NPHS1: variants seen among roughly 807,000 people sequenced by gnomAD.
NPHS1 encodes nephrin.
Under a neutral mutation model 139.7 loss-of-function variants are expected in NPHS1, and 107 were observed. That is an observed-to-expected ratio of 0.77 (90% CI 0.66 to 0.90). The LOEUF is 0.90. NPHS1 is among the 40% of genes least tolerant of loss of function. NPHS1 has a pLI of 0.00. For missense variants in NPHS1, 1,580 were observed against 1,654.2 expected, an observed-to-expected ratio of 0.96 and a Z score of 0.78; for synonymous variants, 707 against 706.6, an observed-to-expected ratio of 1.00 and a Z score of -0.01.
In NPHS1 at chr19:35,844,231, C is replaced by T. The variant is rs747493193; in HGVS notation, c.2084G>A (p.Arg695Gln). ...GYRLSPAGGP[R>Q]HRILSSGALH... ...AGCCCCGCTGGACAGGATGCGATGC[C>T]GGGGGCCGCCCGCTGGGGAAGGCCA... The change falls in exon 16 of 29, where the codon CGG becomes CAG. Residue 695 changes from arginine (R) to glutamine (Q), a missense_variant. Coordinates refer to ENST00000378910, the MANE Select transcript of NPHS1 (RefSeq NM_004646.4). 6 of 1,613,202 alleles carry T rather than the reference C, an allele frequency of 3.7e-6. No homozygotes were observed. The highest frequency in any genetic ancestry group is 1.1e-5 in the South Asian group (1 of 91,072).
intron 9 of NPHS1, 116 bp from the exon 10 acceptor site, chr19:35,848,513 C>T (rs1973178497): frequency 6.3e-7 from 1 of 1,583,368 alleles, no homozygotes; most frequent in Non-Finnish European, 8.6e-7. Flanking sequence ...ACCTCCCCCT[C>T]TGTTGGACCC....
rs1568453378 is a variant in NPHS1, at chr19:35,842,497, TC to T, written c.2387del (p.Gly796AspfsTer51). 1.2e-6 allele frequency: 2 copies of T among 1,613,958 alleles called. No homozygotes were observed. Among genetic ancestry groups the T allele is most frequent in the African/African-American group, 1.3e-5 (1 of 74,892 alleles). On this transcript the variant is annotated frameshift_variant, in exon 18 of 29. Coordinates refer to ENST00000378910, the MANE Select transcript of NPHS1 (RefSeq NM_004646.4). LOFTEE classifies it high-confidence loss of function. ...GGTGAATCCGCAGGCGCCCCGTTGGTCCCCTGGATATCTTCTCCATGTCATC... is the reference window on the plus strand; with the variant it reads ...GGTGAATCCGCAGGCGCCCCGTTGGTCCCTGGATATCTTCTCCATGTCATC... ...SLDDMEKISR[G>X]PTGRLRIHHA...
chr19:35,833,936 A>C (rs1444423277), intron 23 of NPHS1, among the ~76,000 whole-genome samples: 1 of 152,168 alleles, frequency 6.6e-6, no homozygotes, highest in Non-Finnish European at 1.5e-5. Flanking sequence ...GTCTGGGCTC[A>C]AGTGATCTAC....
At chr19:35,850,054 T>C (rs745371007) in intron 5 of NPHS1, among the ~76,000 whole-genome samples, 9 of 152,076 alleles carry the variant, frequency 5.9e-5, no homozygotes, top group East Asian at 1.9e-4. Context: ...GAGCTGGGAG[T>C]ACAGGCATGC....
At chr19:35,829,148 C>A (rs554401455) in intron 28 of NPHS1, among the ~76,000 whole-genome samples, 107 of 152,322 alleles carry the variant, frequency 7.0e-4, no homozygotes, top group African/African-American at 2.4e-3. Flanking sequence ...AGCCCAGTGA[C>A]CTGAGTGGGG....
In NPHS1 at chr19:35,835,762, C is replaced by T. The variant is rs1972948883; in HGVS notation, c.3110-1G>A. ...GGTTCTCCAGAAGGCTGGTGGAGAC[C>T]TGGGGGGTGGATATACAGATTGTGA... On this transcript the variant is annotated splice_acceptor_variant, in intron 22 of 28. Coordinates refer to ENST00000378910, the MANE Select transcript of NPHS1 (RefSeq NM_004646.4). LOFTEE classifies it high-confidence loss of function. The T allele has an allele frequency of 1.2e-6, 2 of 1,613,350 alleles. No individual in the cohort carries two copies. Among genetic ancestry groups the T allele is most frequent in the Non-Finnish European group, 8.5e-7 (1 of 1,179,618 alleles).
chr19:35,851,023 T>A lies in NPHS1; in HGVS notation c.464A>T (p.Glu155Val). The change falls in exon 4 of 29, where the codon GAG becomes GTG. Residue 155 changes from glutamate to valine, a missense_variant. Glu to Val is a moderately radical substitution (Grantham distance 121, BLOSUM62 -2). Coordinates refer to ENST00000378910, the MANE Select transcript of NPHS1 (RefSeq NM_004646.4). ...CCCAGACACACAGTTGACCACGTAC[T>A]CCTGCCCAGCTACCCAGGTGACCAT... is the stretch of plus-strand genomic sequence containing the variant. ...GTMVTWVAGQ[E>V]YVVNCVSGDA... 1 of 1,614,198 alleles carries A rather than the reference T, an allele frequency of 6.2e-7. No individual in the cohort carries two copies. The highest frequency in any genetic ancestry group is 1.7e-5 in the Admixed American group (1 of 60,030).
rs142956465 is a variant in NPHS1 at position 35,842,403 on chromosome 19, G to A, written c.2482C>T (p.Arg828Trp). Reference sequence around the variant, plus strand: ...CATCTGACAACAAGACGGAGCAGCCGTCGTGCTGGAGGCGCCACCCCATTG... The same window carrying A: ...CATCTGACAACAAGACGGAGCAGCCATCGTGCTGGAGGCGCCACCCCATTG... ...VDNGVAPPAR[R>W]LLRLVVRFAP... Residue 828 changes from arginine (R) to tryptophan (W), a missense_variant, in exon 18 of 29, where the codon CGG (arginine) becomes TGG (tryptophan). Arg to Trp is a moderately radical substitution (Grantham distance 101). Coordinates refer to ENST00000378910, the MANE Select transcript of NPHS1 (RefSeq NM_004646.4). The A allele has an allele frequency of 1.4e-5, 23 of 1,614,076 alleles. No individual in the cohort carries two copies. The highest frequency in any genetic ancestry group is 4.5e-5 in the East Asian group (2 of 44,886).
Position 35,839,626 on chromosome 19 carries a change from G to C in NPHS1, c.2816-19C>G. Reference sequence around the variant, plus strand: ...GGGCGGCCTATGGGGAGAAAGATGGGAAAGCAGTCAGAGGATACAAAAGAA... The same window carrying C: ...GGGCGGCCTATGGGGAGAAAGATGGCAAAGCAGTCAGAGGATACAAAAGAA... On this transcript the variant is annotated intron_variant, in intron 20 of 28. Transcript: ENST00000378910. 2 of 1,587,408 alleles carry C rather than the reference G, an allele frequency of 1.3e-6. No individual in the cohort carries two copies. Among genetic ancestry groups the C allele is most frequent in the Non-Finnish European group, 1.7e-6 (2 of 1,155,872 alleles).
rs1973120502 is a variant in NPHS1 at position 35,845,366 on chromosome 19, A to G, written c.1930+2T>C. 2 of 1,614,260 alleles carry G rather than the reference A, an allele frequency of 1.2e-6. No individual in the cohort carries two copies. Among genetic ancestry groups the G allele is most frequent in the Non-Finnish European group, 1.7e-6 (2 of 1,180,048 alleles). On this transcript the variant is annotated splice_donor_variant, in intron 14 of 28. Coordinates refer to ENST00000378910, the MANE Select transcript of NPHS1 (RefSeq NM_004646.4). LOFTEE classifies it high-confidence loss of function. The surrounding 1 kb of genome is among the most constrained non-coding windows in gnomAD (Gnocchi z 5.5). ...GAGGGGCTTTCAGGCCGGGGCACAT[A>G]CACAGTACGTTGAGGCGATAGAAGG...
intron 5 of NPHS1, among the ~76,000 whole-genome samples, chr19:35,850,076 C>A (rs779938649): frequency 1.3e-5 from 2 of 152,042 alleles, no homozygotes; most frequent in Non-Finnish European, 2.9e-5. Context: ...CCACCACACC[C>A]GGCTAATTTT....
intron 5 of NPHS1, 65 bp downstream of exon 5, chr19:35,850,299 G>A: frequency 3.1e-6 from 4 of 1,285,300 alleles, no homozygotes; most frequent in Non-Finnish European, 4.5e-6. Flanking sequence ...TTGCATCCCT[G>A]GGGTCTGGGG....
In NPHS1 at chr19:35,851,398, C is replaced by T. The variant is rs377446423; in HGVS notation, c.275-14G>A. 25 of 1,612,660 alleles carry T rather than the reference C, an allele frequency of 1.6e-5. No homozygotes were observed. Among genetic ancestry groups the T allele is most frequent in the East Asian group, 1.1e-4 (5 of 44,848 alleles). On this transcript the variant is annotated splice_polypyrimidine_tract_variant and intron_variant, in intron 2 of 28. Coordinates refer to ENST00000378910, the MANE Select transcript of NPHS1 (RefSeq NM_004646.4). Reference sequence around the variant, plus strand: ...GGTGGAATTCACCTGCAGGGGGAGCCGGAAGTCAGGGCCGCAGCTTCCGCT... The same window carrying T: ...GGTGGAATTCACCTGCAGGGGGAGCTGGAAGTCAGGGCCGCAGCTTCCGCT...
rs1972795431 is a variant in NPHS1, at chr19:35,825,939, T to G, written c.*575A>C. The G allele has an allele frequency of 6.6e-6, 1 of 152,612 alleles. No homozygotes were observed. The highest frequency in any genetic ancestry group is 2.4e-5 in the African/African-American group (1 of 41,426). 9.5% of individuals were successfully genotyped at this position (152,612 alleles called of 1,614,324 possible). On this transcript the variant is annotated 3_prime_UTR_variant, in exon 29 of 29. Coordinates refer to ENST00000378910, the MANE Select transcript of NPHS1 (RefSeq NM_004646.4). ...ACCCTCAGAATAGCATTTTATTTTT[T>G]ATTTTTATTTTATTTTTATTTTTTG...
chr19:35,836,964 C>T (rs1302487592), intron 22 of NPHS1, among the ~76,000 whole-genome samples: 1 of 147,598 alleles, frequency 6.8e-6, no homozygotes, highest in East Asian at 2.0e-4. Context: ...CCACTGTACT[C>T]CAGCCTGAGT....
In NPHS1 at chr19:35,852,184, C is replaced by A. The variant is rs1358895729; in HGVS notation, c.-347G>T. On this transcript the variant is annotated 5_prime_UTR_variant, in exon 1 of 29. In the 5' UTR this introduces an upstream ATG that the reference lacks. Transcript: ENST00000378910. Reference sequence around the variant, plus strand: ...CTTCAAGCCATCCTCCCACCTTGGCCTCCCCAAGTGTTGGGATTACAGGCG... The same window carrying A: ...CTTCAAGCCATCCTCCCACCTTGGCATCCCCAAGTGTTGGGATTACAGGCG... 1.3e-5 allele frequency among the ~76,000 whole-genome samples: 2 copies of A among 151,378 alleles called. No homozygotes were observed. The highest frequency in any genetic ancestry group is 4.9e-5 in the African/African-American group (2 of 41,128).
At chr19:35,842,328 G>T in intron 18 of NPHS1, 48 bp from the exon 19 acceptor site, 1 of 1,612,466 alleles carries the variant, frequency 6.2e-7, no homozygotes. Flanking sequence ...AGACATGAGG[G>T]CTGTGGGTTC....
rs564243563 is a variant in NPHS1 at position 35,845,254 on chromosome 19, A to C, written c.1930+114T>G. On this transcript the variant is annotated intron_variant, in intron 14 of 28. Transcript: ENST00000378910. This position sits in a 1 kb window ranked among gnomAD's most constrained non-coding sequence, Gnocchi z 5.5. ...CACTGCATTGCAGCCTGAGCGACAA[A>C]AAATGAAAGAGAGAGAGAGAGAGAA... The C allele has an allele frequency of 9.4e-6, 12 of 1,274,038 alleles. No individual in the cohort carries two copies. In the African/African-American group the frequency reaches 1.3e-4, roughly 14 times the overall value. The allele number at this position is 1,274,038 out of a possible 1,614,324, so 78.9% of individuals were successfully genotyped here.
In NPHS1 at chr19:35,835,677, G is replaced by A. The variant is rs201145671; in HGVS notation, c.3166+28C>T. The A allele has an allele frequency of 5.7e-4, 918 of 1,604,500 alleles. 4 individuals are homozygous for A. Among genetic ancestry groups the A allele is most frequent in the Middle Eastern group, 3.3e-4 (2 of 5,988 alleles). On this transcript the variant is annotated intron_variant, in intron 23 of 28. Transcript: ENST00000378910. Reference sequence around the variant, plus strand: ...AGGAGGTTCCATTCTCAGGGGAGCCGGGAGGGATCAGGGGACTGAGGACTT... The same window carrying A: ...AGGAGGTTCCATTCTCAGGGGAGCCAGGAGGGATCAGGGGACTGAGGACTT...
Sources: allele counts gnomAD v4.1 joint callset (sites outside exome capture counted in the v4.1 genomes callset), GRCh38; gene constraint gnomAD v4.1.1; non-coding constraint Gnocchi (gnomAD v3.1); transcripts MANE v1.5; gene names NCBI Gene and HGNC (gene_info 2026-07-23, HGNC 2026-07-21).